The following RBKS variants were observed in gnomAD, a reference collection of about 807,000 sequenced individuals.
RBKS encodes the protein ribokinase.
In RBKS, 33 loss-of-function variants were observed where a neutral mutation model predicts 33.9. The ratio of observed to expected loss-of-function variants is 0.97; its 90% CI spans 0.74 to 1.30. RBKS has a LOEUF of 1.30. RBKS is among the 50% of genes most tolerant of loss of function. The pLI, the probability that RBKS is intolerant of heterozygous loss-of-function variation, is 0.00. For missense variants in RBKS, 361 were observed against 392.6 expected, an observed-to-expected ratio of 0.92 and a Z score of 0.68; for synonymous variants, 125 against 143.0, an observed-to-expected ratio of 0.87 and a Z score of 0.90.
chr2:27,841,516 G>A (rs1171986168), intron 5 of RBKS, among the ~76,000 whole-genome samples: 1 of 152,084 alleles, frequency 6.6e-6, no homozygotes, highest in Non-Finnish European at 1.5e-5. Context: ...AACCAAATGG[G>A]TTTTGGCTTA....
chr2:27,880,570 T>A lies in RBKS; in HGVS notation c.89+9687A>T, dbSNP rs189342366. ...GCTGATAAACAACTTCAGCAAAGTC[T>A]CAGGATACAAAATCAAGATACAAAA... On this transcript the variant is annotated intron_variant, in intron 1 of 7. Coordinates refer to ENST00000302188, the MANE Select transcript of RBKS (RefSeq NM_022128.3). Among the ~76,000 whole-genome samples the A allele has an allele frequency of 4.2e-3, 632 of 152,254 alleles. 2 individuals carry two copies. Among genetic ancestry groups the A allele is most frequent in the African/African-American group, 0.014 (602 of 41,542 alleles).
chr2:27,883,186 C>G (rs572013523), intron 1 of RBKS, among the ~76,000 whole-genome samples: 2 of 151,816 alleles, frequency 1.3e-5, no homozygotes, highest in East Asian at 3.9e-4. Flanking sequence ...CCATGTTTTC[C>G]TAACTGCAGT....
intron 2 of RBKS, among the ~76,000 whole-genome samples, chr2:27,856,797 G>A (rs1018854522): frequency 6.6e-6 from 1 of 152,116 alleles, no homozygotes; most frequent in African/African-American, 2.4e-5. Flanking sequence ...CCAGTTCCCA[G>A]GTCCTCTTAA....
rs74957922 is a variant in RBKS, at chr2:27,854,302, G to A, written c.222+4137C>T. Among the ~76,000 whole-genome samples the A allele has an allele frequency of 6.8e-3, 1,036 of 152,168 alleles. 5 individuals are homozygous for A. Among genetic ancestry groups the A allele is most frequent in the African/African-American group, 0.024 (990 of 41,500 alleles). On this transcript the variant is annotated intron_variant, in intron 2 of 7. Transcript: ENST00000302188. ...TCTCAATTCCTGTGCTGTTTGGACC[G>A]GTGACAATCTGCATGCAGCCTGGCA... is the stretch of plus-strand genomic sequence containing the variant.
At chr2:27,865,146 T>C (rs902336387) in intron 1 of RBKS, among the ~76,000 whole-genome samples, 1 of 152,024 alleles carries the variant, frequency 6.6e-6, no homozygotes, top group African/African-American at 2.4e-5. Flanking sequence ...CGGTGAAACC[T>C]CATCTCTACT....
At chr2:27,799,041 T>C (rs556526464) in intron 7 of RBKS, among the ~76,000 whole-genome samples, 2 of 152,210 alleles carry the variant, frequency 1.3e-5, no homozygotes, top group East Asian at 1.9e-4. Flanking sequence ...ATAGCTGAGG[T>C]AGGCACTGAC....
chr2:27,805,268 T>C (rs568282587), intron 7 of RBKS, among the ~76,000 whole-genome samples: 17 of 152,360 alleles, frequency 1.1e-4, no homozygotes, highest in Admixed American at 1.1e-3. Context: ...CATTAACTGG[T>C]TTGGTCTGTA....
chr2:27,840,532 C>T (rs889858068), intron 5 of RBKS, among the ~76,000 whole-genome samples: 2 of 151,292 alleles, frequency 1.3e-5, no homozygotes, highest in South Asian at 2.1e-4. Context: ...CATGTGTGTT[C>T]GTGTGTGTGT....
chr2:27,876,661 G>A (rs1046102016), intron 1 of RBKS, among the ~76,000 whole-genome samples: 3 of 152,134 alleles, frequency 2.0e-5, no homozygotes, highest in Non-Finnish European at 4.4e-5. Flanking sequence ...GGGCTGAGGG[G>A]AGGAGGGGAT....
intron 5 of RBKS, among the ~76,000 whole-genome samples, chr2:27,835,085 G>A (rs898094766): frequency 6.6e-6 from 1 of 152,052 alleles, no homozygotes; most frequent in African/African-American, 2.4e-5. Flanking sequence ...AGACCAGCCT[G>A]ACCAACATGG....
At chr2:27,850,086 G>A (rs1168154983) in intron 2 of RBKS, among the ~76,000 whole-genome samples, 3 of 152,158 alleles carry the variant, frequency 2.0e-5, no homozygotes, top group Non-Finnish European at 4.4e-5. Context: ...CTACAGCAGA[G>A]GTTGTAAATT....
In RBKS at chr2:27,837,780, AC is replaced by A. The variant is rs1476207531; in HGVS notation, c.515-5004del. 6.6e-6 allele frequency among the ~76,000 whole-genome samples: 1 copy of A among 152,224 alleles called. No homozygotes were observed. The highest frequency in any genetic ancestry group is 1.5e-5 in the Non-Finnish European group (1 of 68,038). ...TATAAGTGGGGGCTAAATATTGAGT[AC>A]GCATGGACAGAAAGATGGGAACAAC... On this transcript the variant is annotated intron_variant, in intron 5 of 7. Transcript: ENST00000302188. The surrounding 1 kb of genome is among the most constrained non-coding windows in gnomAD (Gnocchi z 4.0).
At chr2:27,881,223 G>C (rs988949698) in intron 1 of RBKS, among the ~76,000 whole-genome samples, 8 of 151,260 alleles carry the variant, frequency 5.3e-5, no homozygotes, top group African/African-American at 1.7e-4. Context: ...ACTCCAGCCT[G>C]GGGGAAAGAG....
chr2:27,870,837 T>C (rs1345982874), intron 1 of RBKS: 1 of 464,424 alleles, frequency 2.2e-6, no homozygotes, highest in Non-Finnish European at 4.4e-6. Flanking sequence ...GTTCTGCAGC[T>C]GTGGTGTGGG....
chr2:27,833,279 G>A (rs753001004), intron 5 of RBKS, among the ~76,000 whole-genome samples: 22 of 152,146 alleles, frequency 1.4e-4, no homozygotes, highest in African/African-American at 4.3e-4. Flanking sequence ...GCTCATGTGC[G>A]TATGCATATT....
chr2:27,885,250 G>C (rs1322641337), intron 1 of RBKS, among the ~76,000 whole-genome samples: 1 of 152,100 alleles, frequency 6.6e-6, no homozygotes, highest in African/African-American at 2.4e-5. Flanking sequence ...CTGCTTTCAA[G>C]CTACCATCAT....
chr2:27,798,980 C>T (rs145949494), intron 7 of RBKS, among the ~76,000 whole-genome samples: 9 of 152,280 alleles, frequency 5.9e-5, no homozygotes, highest in Middle Eastern at 3.4e-3. Flanking sequence ...GAGGGTAGCA[C>T]GCCTGTCTTC....
At chr2:27,835,421 AC>A (rs1678499793) in intron 5 of RBKS, among the ~76,000 whole-genome samples, 1 of 39,720 alleles carries the variant, frequency 2.5e-5, no homozygotes, top group Non-Finnish European at 5.3e-5. Flanking sequence ...TGTACTACCC[AC>A]CCACCCCACC....
intron 1 of RBKS, among the ~76,000 whole-genome samples, chr2:27,860,990 CAG>C (rs777595120): frequency 4.7e-5 from 7 of 149,788 alleles, no homozygotes; most frequent in East Asian, 2.0e-4. Flanking sequence ...TTTTTTTAAA[CAG>C]AGTCTCTCTC....
Sources: allele counts gnomAD v4.1 joint callset (sites outside exome capture counted in the v4.1 genomes callset), GRCh38; gene constraint gnomAD v4.1.1; non-coding constraint Gnocchi (gnomAD v3.1); transcripts MANE v1.5; gene names NCBI Gene and HGNC (gene_info 2026-07-23, HGNC 2026-07-21).